KCNG3: variants seen among roughly 807,000 people sequenced by gnomAD.
The protein encoded by KCNG3 is voltage-gated potassium channel regulatory subunit KCNG3.
In KCNG3, 15 loss-of-function variants were observed where a neutral mutation model predicts 29.0. The ratio of observed to expected loss-of-function variants is 0.52; its 90% CI spans 0.35 to 0.80. KCNG3 has a LOEUF of 0.80. Ranked by LOEUF, KCNG3 falls within the 30% of genes least tolerant of loss-of-function variation. The pLI, the probability that KCNG3 is intolerant of heterozygous loss-of-function variation, is 0.01. For missense variants in KCNG3, 512 were observed against 605.7 expected (o/e 0.85, Z 1.62); for synonymous variants, 322 against 248.9 (o/e 1.29, Z -2.76).
chr2:42,465,357 C>T (rs1572852107), intron 1 of KCNG3, among the ~76,000 whole-genome samples: 1 of 152,036 alleles, frequency 6.6e-6, no homozygotes, highest in South Asian at 2.1e-4. Context: ...GCTCGGACTA[C>T]AGGTGTGCAC....
At chr2:42,470,293 A>G in intron 1 of KCNG3, 1 of 328,988 alleles carries the variant, frequency 3.0e-6, no homozygotes, top group Non-Finnish European at 6.0e-6. Flanking sequence ...ACGCAATAAA[A>G]TAATTGTTTA....
chr2:42,484,378 C>G (rs937916814), intron 1 of KCNG3, among the ~76,000 whole-genome samples: 1 of 152,134 alleles, frequency 6.6e-6, no homozygotes, highest in African/African-American at 2.4e-5. Context: ...AGGAGAATTG[C>G]TTGAACCAGG....
the KCNG3 span, chr2:42,415,335 C>T: frequency 6.6e-6 from 1 of 152,224 alleles, no homozygotes; most frequent in Admixed American, 6.5e-5. Context: ...CCTATAGTAA[C>T]TGTATTATTG....
chr2:42,443,889 CAA>C lies in KCNG3; in HGVS notation c.*43_*44del. On this transcript the variant is annotated 3_prime_UTR_variant, in exon 2 of 2. Coordinates refer to ENST00000306078, the MANE Select transcript of KCNG3 (RefSeq NM_133329.6). ...GAAACACATAAATATGAAGCAGCAT[CAA>C]AGTCTTTCTATGAAGTGTATGCAAG... 1 of 1,527,824 alleles carries C rather than the reference CAA, an allele frequency of 6.5e-7. No homozygotes were observed. Among genetic ancestry groups the C allele is most frequent in the Non-Finnish European group, 8.9e-7 (1 of 1,127,412 alleles). The allele number at this position is 1,527,824 out of a possible 1,614,324, so 94.6% of individuals were successfully genotyped here.
chr2:42,424,385 A>G, the KCNG3 span, among the ~76,000 whole-genome samples: 4 of 152,046 alleles, frequency 2.6e-5, no homozygotes, highest in East Asian at 3.9e-4. Context: ...TAAGACATCA[A>G]TGAAAGATGG....
intron 1 of KCNG3, among the ~76,000 whole-genome samples, chr2:42,466,310 G>A (rs1673139906): frequency 6.6e-6 from 1 of 152,152 alleles, no homozygotes; most frequent in African/African-American, 2.4e-5. Context: ...GGAGGCTGAG[G>A]CAGGAGAATC....
chr2:42,412,924 T>C, the KCNG3 span, among the ~76,000 whole-genome samples: 7 of 152,150 alleles, frequency 4.6e-5, no homozygotes, highest in Non-Finnish European at 1.0e-4. Flanking sequence ...TAGAAATGTT[T>C]CTTTCTTTTT....
chr2:42,403,392 C>T, the KCNG3 span, among the ~76,000 whole-genome samples: 1 of 152,058 alleles, frequency 6.6e-6, no homozygotes, highest in Non-Finnish European at 1.5e-5. Context: ...TTCCTCCCAC[C>T]TTGGCCTCCC....
chr2:42,439,402 C>T (rs1199795025), downstream of KCNG3, among the ~76,000 whole-genome samples: 2 of 151,782 alleles, frequency 1.3e-5, no homozygotes, highest in Admixed American at 6.6e-5. Context: ...GCTGGGATTA[C>T]ATTCACGTGT....
chr2:42,465,802 T>A (rs1360479700), intron 1 of KCNG3, among the ~76,000 whole-genome samples: 2 of 152,084 alleles, frequency 1.3e-5, no homozygotes, highest in South Asian at 2.1e-4. Context: ...ACCCATTTTT[T>A]AAAAAATAGG....
At chr2:42,483,332 C>T (rs891175068) in intron 1 of KCNG3, among the ~76,000 whole-genome samples, 3 of 152,176 alleles carry the variant, frequency 2.0e-5, no homozygotes, top group Non-Finnish European at 2.9e-5. Context: ...ATGTTTAAAG[C>T]ACAATCCTTT....
chr2:42,413,494 T>C, the KCNG3 span, among the ~76,000 whole-genome samples: 1 of 152,248 alleles, frequency 6.6e-6, no homozygotes, highest in Non-Finnish European at 1.5e-5. Context: ...CTTTATTCCA[T>C]TTTTCTTCTT....
the KCNG3 span, among the ~76,000 whole-genome samples, chr2:42,423,831 C>T: frequency 1.3e-5 from 2 of 150,728 alleles, no homozygotes; most frequent in Non-Finnish European, 2.9e-5. Flanking sequence ...CAGATGATGA[C>T]AGTAACTTAT....
chr2:42,416,381 G>A, the KCNG3 span, among the ~76,000 whole-genome samples: 4 of 152,158 alleles, frequency 2.6e-5, no homozygotes, highest in Non-Finnish European at 4.4e-5. Flanking sequence ...GGGAGGCTGG[G>A]CAGGAAGATT....
At chr2:42,483,941 G>A (rs921356200) in intron 1 of KCNG3, among the ~76,000 whole-genome samples, 2 of 152,036 alleles carry the variant, frequency 1.3e-5, no homozygotes, top group Admixed American at 6.6e-5. Flanking sequence ...ACAGGAGCAC[G>A]TCACCACACC....
chr2:42,406,603 G>A, the KCNG3 span, among the ~76,000 whole-genome samples: 2 of 149,914 alleles, frequency 1.3e-5, no homozygotes, highest in Non-Finnish European at 3.0e-5. Flanking sequence ...GAGGTGGGTG[G>A]ATCACAAGGT....
chr2:42,433,127 G>A, the KCNG3 span, among the ~76,000 whole-genome samples: 1 of 152,116 alleles, frequency 6.6e-6, no homozygotes, highest in South Asian at 2.1e-4. Context: ...ACATTGTACT[G>A]TAAGTTCTAA....
chr2:42,446,538 C>T (rs1003712974), intron 1 of KCNG3, among the ~76,000 whole-genome samples: 1 of 152,054 alleles, frequency 6.6e-6, no homozygotes, highest in African/African-American at 2.4e-5. Context: ...TTGTTTTTCT[C>T]CACATAATTC....
the KCNG3 span, among the ~76,000 whole-genome samples, chr2:42,398,526 T>C: frequency 1.5e-3 from 230 of 152,284 alleles, no homozygotes; most frequent in African/African-American, 5.4e-3. Context: ...CATTGTAACC[T>C]TCCAGATTAA....
Sources: allele counts gnomAD v4.1 joint callset (sites outside exome capture counted in the v4.1 genomes callset), GRCh38; gene constraint gnomAD v4.1.1; transcripts MANE v1.5; gene names NCBI Gene and HGNC (gene_info 2026-07-23, HGNC 2026-07-21).